WWOX: variants seen among roughly 807,000 people sequenced by gnomAD.
WWOX encodes WW domain-containing oxidoreductase.
Under a neutral mutation model 46.2 loss-of-function variants are expected in WWOX, and 69 were observed. That is an observed-to-expected ratio of 1.49 (90% CI 1.23 to 1.82). The LOEUF (loss-of-function observed/expected upper bound fraction) is 1.82, where lower values mean the gene tolerates loss of function less well. Ranked by LOEUF, WWOX falls within the 40% of genes most tolerant of loss-of-function variation. The probability of loss-of-function intolerance (pLI) is 0.00; values close to 1 mark genes in which losing one functional copy is unlikely to be tolerated. For missense variants in WWOX, 919 were observed against 542.6 expected (o/e 1.69, Z -6.89); for synonymous variants, 359 against 202.6 (o/e 1.77, Z -6.56).
At chr16:78,296,664 A>G (rs2079948582) in intron 5 of WWOX, among the ~76,000 whole-genome samples, 1 of 152,130 alleles carries the variant, frequency 6.6e-6, no homozygotes, top group Non-Finnish European at 1.5e-5. Context: ...AAAAAAATCA[A>G]CATTTGCAAG....
intron 8 of WWOX, among the ~76,000 whole-genome samples, chr16:78,983,339 G>A (rs1036568913): frequency 4.6e-5 from 7 of 152,190 alleles, no homozygotes; most frequent in Non-Finnish European, 1.0e-4. Context: ...CTGGTCTCAC[G>A]CTTCTTCCGT....
At chr16:78,613,050 G>C (rs768681589) in intron 8 of WWOX, among the ~76,000 whole-genome samples, 1 of 152,058 alleles carries the variant, frequency 6.6e-6, no homozygotes, top group South Asian at 2.1e-4. Context: ...GGTGCCTCTT[G>C]AGAGTTTGTA....
rs141047830 is a variant in WWOX, at chr16:78,793,217, G to A, written c.1056+360465G>A. Reference sequence around the variant, plus strand: ...CCTCCCAAGTAACTGGGACCACAATGCCCAGCTAATTTTTATATTTTTTTG... The same window carrying A: ...CCTCCCAAGTAACTGGGACCACAATACCCAGCTAATTTTTATATTTTTTTG... On this transcript the variant is annotated intron_variant, in intron 8 of 8. Coordinates refer to ENST00000566780, the MANE Select transcript of WWOX (RefSeq NM_016373.4). Among the ~76,000 whole-genome samples the A allele has an allele frequency of 7.4e-3, 1,122 of 152,112 alleles. 18 individuals carry two copies. The highest frequency in any genetic ancestry group is 0.025 in the African/African-American group (1,058 of 41,496).
chr16:79,187,165 T>C (rs1015488151), intron 8 of WWOX, among the ~76,000 whole-genome samples: 8 of 152,226 alleles, frequency 5.3e-5, no homozygotes, highest in Non-Finnish European at 8.8e-5. Flanking sequence ...ACGAATTGAA[T>C]GACTTTGAGA....
chr16:78,859,584 T>G (rs772571063), intron 8 of WWOX, among the ~76,000 whole-genome samples: 1 of 152,154 alleles, frequency 6.6e-6, no homozygotes, highest in Non-Finnish European at 1.5e-5. Flanking sequence ...TGGATTTGGT[T>G]TTAGGGAAAA....
At chr16:78,400,094 C>A (rs573392525) in intron 6 of WWOX, among the ~76,000 whole-genome samples, 1 of 152,110 alleles carries the variant, frequency 6.6e-6, no homozygotes, top group Admixed American at 6.5e-5. Context: ...AAAACATAAA[C>A]GGGACCTCTC....
intron 8 of WWOX, among the ~76,000 whole-genome samples, chr16:78,948,585 C>A (rs2151299423): frequency 6.6e-6 from 1 of 152,134 alleles, no homozygotes; most frequent in South Asian, 2.1e-4. Context: ...CCTCCTCATC[C>A]CTCTGGATGC....
chr16:78,317,186 T>C (rs2080372561), intron 5 of WWOX, among the ~76,000 whole-genome samples: 1 of 152,016 alleles, frequency 6.6e-6, no homozygotes, highest in African/African-American at 2.4e-5. Context: ...GAGGCTGTGT[T>C]TGGAAAGGTG....
intron 8 of WWOX, among the ~76,000 whole-genome samples, chr16:78,758,989 A>C (rs937901440): frequency 1.3e-5 from 2 of 151,158 alleles, no homozygotes; most frequent in Non-Finnish European, 2.9e-5. Context: ...GGCATATTTT[A>C]GGTGTGTTTA....
chr16:78,381,394 C>T (rs1260596192), intron 5 of WWOX, among the ~76,000 whole-genome samples: 5 of 152,056 alleles, frequency 3.3e-5, no homozygotes, highest in African/African-American at 1.2e-4. Flanking sequence ...TGATGAGTGC[C>T]ACTATATTCA....
At chr16:79,204,145 A>G (rs2051431987) in intron 8 of WWOX, 2 of 152,090 alleles carry the variant, frequency 1.3e-5, no homozygotes, top group South Asian at 4.2e-4. Flanking sequence ...TAGATACCCC[A>G]ATGCGATGTT....
chr16:78,680,289 G>T (rs1230714016), intron 8 of WWOX, among the ~76,000 whole-genome samples: 1 of 151,994 alleles, frequency 6.6e-6, no homozygotes, highest in African/African-American at 2.4e-5. Context: ...TGCATCTGCA[G>T]TCCTGGCTAC....
At chr16:78,423,999 A>G (rs1470255351) in intron 6 of WWOX, among the ~76,000 whole-genome samples, 2 of 151,896 alleles carry the variant, frequency 1.3e-5, no homozygotes, top group Non-Finnish European at 2.9e-5. Flanking sequence ...TTCTCTTTAC[A>G]CAGAGCGATT....
At chr16:78,227,739 C>T (rs929095561) in intron 5 of WWOX, among the ~76,000 whole-genome samples, 7 of 151,926 alleles carry the variant, frequency 4.6e-5, no homozygotes, top group African/African-American at 7.2e-5. Context: ...TAGCCAGGTG[C>T]GGTGGCGCAA....
At chr16:79,199,753 C>T (rs2051310617) in intron 8 of WWOX, among the ~76,000 whole-genome samples, 1 of 152,144 alleles carries the variant, frequency 6.6e-6, no homozygotes, top group South Asian at 2.1e-4. Flanking sequence ...AGATTTTCAA[C>T]CCCTTGACAG....
intron 8 of WWOX, among the ~76,000 whole-genome samples, chr16:78,951,097 G>A (rs569512296): frequency 6.6e-6 from 1 of 152,320 alleles, no homozygotes; most frequent in East Asian, 1.9e-4. Flanking sequence ...TCCATTGCCA[G>A]TAACAAACAC....
chr16:78,918,312 C>A (rs940260680), intron 8 of WWOX, among the ~76,000 whole-genome samples: 34 of 152,132 alleles, frequency 2.2e-4, no homozygotes, highest in African/African-American at 7.7e-4. Flanking sequence ...TAAGAGGCAT[C>A]TTCTATACAT....
At chr16:78,453,464 G>T (rs1334549105) in intron 8 of WWOX, among the ~76,000 whole-genome samples, 5 of 152,054 alleles carry the variant, frequency 3.3e-5, no homozygotes, top group Admixed American at 3.3e-4. Flanking sequence ...ATTTAAGATG[G>T]TTTATAAAGA....
At chr16:78,765,201 G>T (rs370121473) in intron 8 of WWOX, among the ~76,000 whole-genome samples, 3 of 152,212 alleles carry the variant, frequency 2.0e-5, no homozygotes, top group Non-Finnish European at 4.4e-5. Context: ...GACAACAAAG[G>T]CATCCCTGGC....
Sources: gnomAD v4.1 joint callset for allele counts (sites outside exome capture counted in the v4.1 genomes callset) on GRCh38, gnomAD v4.1.1 for gene constraint, MANE v1.5 for transcripts, NCBI Gene and HGNC (gene_info 2026-07-23, HGNC 2026-07-21) for gene names.